The following BCAR3 variants were observed in gnomAD, a reference collection of about 807,000 sequenced individuals.
BCAR3 encodes breast cancer anti-estrogen resistance protein 3.
In BCAR3, 37 loss-of-function variants were observed where a neutral mutation model predicts 80.1. That is an observed-to-expected ratio of 0.46 (90% CI 0.36 to 0.61). BCAR3 has a LOEUF of 0.61. BCAR3 is among the 20% of genes least tolerant of loss of function. The pLI is 0.00. For missense variants in BCAR3, 978 were observed against 1,068.2 expected, an observed-to-expected ratio of 0.92 and a Z score of 1.18; for synonymous variants, 389 against 418.9, an observed-to-expected ratio of 0.93 and a Z score of 0.87.
chr1:93,768,102 T>A (rs1325552920), intron 2 of BCAR3, among the ~76,000 whole-genome samples: 1 of 152,192 alleles, frequency 6.6e-6, no homozygotes, highest in South Asian at 2.1e-4. Context: ...GTGCTGGGAC[T>A]ACATGGCAAG....
chr1:93,781,077 C>G (rs1652745977), intron 2 of BCAR3, among the ~76,000 whole-genome samples: 1 of 152,234 alleles, frequency 6.6e-6, no homozygotes, highest in Admixed American at 6.5e-5. Flanking sequence ...GGAGATTGCC[C>G]AGTTCTCCAA....
chr1:93,728,479 G>A lies in BCAR3; in HGVS notation c.-62-22337C>T, dbSNP rs143272856. ...CTGTTGCAAGGACAGAGGGCTTTCTGTATCCTGGGTTCTTGCCTTGGTGTA... is the reference window on the plus strand; with the variant it reads ...CTGTTGCAAGGACAGAGGGCTTTCTATATCCTGGGTTCTTGCCTTGGTGTA... On this transcript the variant is annotated intron_variant, in intron 2 of 13. Transcript: ENST00000370244. Among the ~76,000 whole-genome samples, 764 of 152,326 alleles carry A rather than the reference G, an allele frequency of 5.0e-3. 8 individuals are homozygous for A. The highest frequency in any genetic ancestry group is 0.018 in the African/African-American group (736 of 41,556).
At chr1:93,652,543 T>C (rs1676356165) in intron 2 of BCAR3, among the ~76,000 whole-genome samples, 1 of 152,154 alleles carries the variant, frequency 6.6e-6, no homozygotes. Context: ...TACACAAGAC[T>C]GTACAGCAAA....
At chr1:93,705,709 CTGAAA>C (rs1404730056) in intron 3 of BCAR3, among the ~76,000 whole-genome samples, 1 of 152,218 alleles carries the variant, frequency 6.6e-6, no homozygotes, top group Non-Finnish European at 1.5e-5. Flanking sequence ...TTCTTCACCA[CTGAAA>C]TGAGGATAAT....
At chr1:93,621,869 TTTTG>T (rs1363424659) in intron 3 of BCAR3, among the ~76,000 whole-genome samples, 3 of 148,760 alleles carry the variant, frequency 2.0e-5, no homozygotes, top group Non-Finnish European at 4.4e-5. Context: ...TTGGTTTTGT[TTTTG>T]TTTTTGTTTT....
rs867956999 is a variant in BCAR3, at chr1:93,659,430, C to A, written c.317+15184G>T. ...CTGTTCTCAAACCCCTGGGCTCAAG[C>A]AATCCTCCCTGCTCAGCCTCCCAAA... On this transcript the variant is annotated intron_variant, in intron 2 of 11. Transcript: ENST00000260502. Among the ~76,000 whole-genome samples, 4 of 152,044 alleles carry A rather than the reference C, an allele frequency of 2.6e-5. No homozygotes were observed. In the Middle Eastern group the frequency reaches 0.01, roughly 388 times the overall value.
chr1:93,658,574 C>A (rs181395118), intron 2 of BCAR3, among the ~76,000 whole-genome samples: 296 of 152,202 alleles, frequency 1.9e-3, no homozygotes, highest in Middle Eastern at 3.4e-3. Context: ...ATTGTTTGAA[C>A]CCTGGAGGTG....
At chr1:93,680,998 A>G (rs932390053) in intron 1 of BCAR3, 2 of 152,356 alleles carry the variant, frequency 1.3e-5, no homozygotes, top group Non-Finnish European at 2.9e-5. Flanking sequence ...AGGGAGCAAC[A>G]CAACCAACTA....
chr1:93,575,293 A>AAGAT (rs1453719384), intron 8 of BCAR3, among the ~76,000 whole-genome samples: 2 of 152,244 alleles, frequency 1.3e-5, no homozygotes, highest in African/African-American at 4.8e-5. Context: ...AAAACTTAAC[A>AAGAT]AGATAGTCTT....
intron 2 of BCAR3, among the ~76,000 whole-genome samples, chr1:93,712,833 C>T (rs947167215): frequency 8.5e-5 from 13 of 152,190 alleles, no homozygotes; most frequent in African/African-American, 3.1e-4. Flanking sequence ...CCTGGGTTCT[C>T]GTCCCAAAGC....
At chr1:93,583,064 T>A in intron 6 of BCAR3, 111 bp from the exon 7 acceptor site, 1 of 1,229,114 alleles carries the variant, frequency 8.1e-7, no homozygotes, top group South Asian at 1.6e-5. Context: ...TGGGCTTCAA[T>A]TTTCATTTTC....
chr1:93,655,426 CAAG>C lies in BCAR3; in HGVS notation c.318-13086_318-13084del, dbSNP rs543846627. Among the ~76,000 whole-genome samples, 480 of 152,038 alleles carry C rather than the reference CAAG, an allele frequency of 3.2e-3. 7 individuals are homozygous for C. The highest frequency in any genetic ancestry group is 0.011 in the African/African-American group (471 of 41,478). On this transcript the variant is annotated intron_variant, in intron 2 of 11. Coordinates refer to ENST00000260502, the MANE Select transcript of BCAR3 (RefSeq NM_003567.4). Reference sequence around the variant, plus strand: ...GGTGTACAGATTTAAGAAATTTTTCCAAGAATAGATAGCTCTTGATAAATGACT... The same window carrying C: ...GGTGTACAGATTTAAGAAATTTTTCCAATAGATAGCTCTTGATAAATGACT...
chr1:93,606,544 G>A (rs982988760), intron 3 of BCAR3, among the ~76,000 whole-genome samples: 4 of 152,166 alleles, frequency 2.6e-5, no homozygotes, highest in South Asian at 2.1e-4. Flanking sequence ...AAAAATGCAC[G>A]AGGGCATAGT....
Position 93,665,869 on chromosome 1 carries a change from C to T in BCAR3, c.317+8745G>A, listed in dbSNP as rs570480832. Among the ~76,000 whole-genome samples, 3 of 152,296 alleles carry T rather than the reference C, an allele frequency of 2.0e-5. No individual in the cohort carries two copies. In the East Asian group the frequency reaches 5.8e-4, roughly 29 times the overall value. ...AAGCTTCCCTATCTCAGCAAATGCC[C>T]TATCCCATATACCCAGCTGCCTGAG... On this transcript the variant is annotated intron_variant, in intron 2 of 11. Coordinates refer to ENST00000260502, the MANE Select transcript of BCAR3 (RefSeq NM_003567.4).
chr1:93,654,501 T>TG, intron 2 of BCAR3, among the ~76,000 whole-genome samples: 1 of 152,276 alleles, frequency 6.6e-6, no homozygotes, highest in African/African-American at 2.4e-5. Flanking sequence ...GCTGACATCC[T>TG]AAGTGGGACA....
At chr1:93,817,032 A>G (rs573839563) in intron 2 of BCAR3, among the ~76,000 whole-genome samples, 1 of 152,278 alleles carries the variant, frequency 6.6e-6, no homozygotes, top group South Asian at 2.1e-4. Context: ...TTGGGAGGGC[A>G]ATAACTTCCT....
intron 3 of BCAR3, among the ~76,000 whole-genome samples, chr1:93,631,707 A>G (rs1383150950): frequency 6.6e-6 from 1 of 152,156 alleles, no homozygotes; most frequent in African/African-American, 2.4e-5. Context: ...GTTAGGGAGG[A>G]TGGTGCCTCA....
intron 4 of BCAR3, among the ~76,000 whole-genome samples, chr1:93,591,831 T>C (rs1253162653): frequency 6.6e-6 from 1 of 152,144 alleles, no homozygotes; most frequent in African/African-American, 2.4e-5. Flanking sequence ...GAGGCAGCCT[T>C]GTTGATCTGG....
chr1:93,707,125 A>G (rs1272811904), intron 2 of BCAR3, among the ~76,000 whole-genome samples: 2 of 152,146 alleles, frequency 1.3e-5, no homozygotes, highest in Non-Finnish European at 2.9e-5. Flanking sequence ...CAGTGAGCTG[A>G]GATCATGCCA....
Sources: allele counts gnomAD v4.1 joint callset (sites outside exome capture counted in the v4.1 genomes callset), GRCh38; gene constraint gnomAD v4.1.1; transcripts MANE v1.5; gene names NCBI Gene and HGNC (gene_info 2026-07-23, HGNC 2026-07-21).